The following UBOX5 variants were observed in gnomAD, a reference collection of about 807,000 sequenced individuals.
UBOX5 encodes U-box domain containing 5, also known as RING finger protein 37.
In UBOX5, 28 loss-of-function variants were observed where a neutral mutation model predicts 39.0. The observed-to-expected ratio is 0.72, with a 90% CI of 0.53 to 0.98. The LOEUF (loss-of-function observed/expected upper bound fraction) is 0.98, where lower values mean the gene tolerates loss of function less well. Among genes scored for constraint, UBOX5 ranks in the 50% least tolerant of loss-of-function variants. UBOX5 has a pLI of 0.00. For synonymous variants in UBOX5, 283 were observed against 275.5 expected (o/e 1.03, Z -0.27); for missense variants, 585 against 674.4 (o/e 0.87, Z 1.47).
chr20:3,138,887 T>C (rs1377276102), intron 1 of UBOX5, among the ~76,000 whole-genome samples: 1 of 152,178 alleles, frequency 6.6e-6, no homozygotes, highest in Non-Finnish European at 1.5e-5. Context: ...AGCTGCGTTA[T>C]ACAATCTGAT....
At chr20:3,124,731 CCGCCCT>C (rs2066365381) in intron 1 of UBOX5, among the ~76,000 whole-genome samples, 1 of 150,902 alleles carries the variant, frequency 6.6e-6, no homozygotes, top group Admixed American at 6.6e-5. Context: ...CTCTGCCCGG[CCGCCCT>C]GTCTGGGAGG....
chr20:3,115,389 A>G lies in UBOX5; in HGVS notation c.1333T>C (p.Phe445Leu), dbSNP rs776454596. The G allele has an allele frequency of 6.2e-7, 1 of 1,614,214 alleles. No individual in the cohort carries two copies. The highest frequency in any genetic ancestry group is 1.1e-5 in the South Asian group (1 of 91,080). ...LASTLGSMPS[F>L]TARLTRGQLQ... ...TGTCCCCTGGTCAGCCGTGCCGTGA[A>G]GGAGGGCATAGAGCCAAGGGTGGAT... is the stretch of plus-strand genomic sequence containing the variant. The change falls in exon 4 of 5, where the codon TTC becomes CTC. Residue 445 changes from phenylalanine to leucine, a missense_variant. Coordinates refer to ENST00000217173, the MANE Select transcript of UBOX5 (RefSeq NM_014948.4).
intron 1 of UBOX5, 53 bp from the exon 2 acceptor site, chr20:3,123,459 CTT>C: frequency 7.5e-7 from 1 of 1,332,858 alleles, no homozygotes; most frequent in Non-Finnish European, 1.1e-6. Flanking sequence ...CAATTCTAAA[CTT>C]TCAGAAGTTG....
chr20:3,134,751 C>A (rs1393609259), intron 1 of UBOX5, among the ~76,000 whole-genome samples: 1 of 146,614 alleles, frequency 6.8e-6, no homozygotes, highest in Non-Finnish European at 1.5e-5. Flanking sequence ...CCCAGCTACT[C>A]GGGAGGCTGA....
chr20:3,144,614 A>G (rs1352355446), intron 1 of UBOX5, among the ~76,000 whole-genome samples: 1 of 152,198 alleles, frequency 6.6e-6, no homozygotes, highest in Non-Finnish European at 1.5e-5. Flanking sequence ...CTAAAGAAAA[A>G]ATAATAAATT....
intron 1 of UBOX5, among the ~76,000 whole-genome samples, chr20:3,134,752 G>A (rs544584699): frequency 5.2e-4 from 77 of 149,162 alleles, no homozygotes; most frequent in African/African-American, 1.7e-3. Flanking sequence ...CCAGCTACTC[G>A]GGAGGCTGAG....
At chr20:3,158,935 C>T (rs1237506705) in intron 1 of UBOX5, among the ~76,000 whole-genome samples, 1 of 152,228 alleles carries the variant, frequency 6.6e-6, no homozygotes, top group Non-Finnish European at 1.5e-5. Flanking sequence ...CAACAAATGA[C>T]TGGAGCACAA....
In UBOX5 at chr20:3,109,940, G is replaced by T; in HGVS notation, c.*166C>A. 2.6e-6 allele frequency: 2 copies of T among 766,916 alleles called. No homozygotes were observed. The highest frequency in any genetic ancestry group is 2.7e-5 in the East Asian group (1 of 37,152). 47.5% of individuals were successfully genotyped at this position (766,916 alleles called of 1,614,324 possible). ...TGGCTTTGTTGCCCTATTGCCACCA[G>T]CGCAGAAGCAATGTGCTATACCGTG... On this transcript the variant is annotated 3_prime_UTR_variant, in exon 5 of 5. Transcript: ENST00000217173.
rs1600396890 is a variant in UBOX5 at position 3,139,893 on chromosome 20, A to G, written c.-41-16487T>C. 2.0e-5 allele frequency among the ~76,000 whole-genome samples: 3 copies of G among 151,852 alleles called. No homozygotes were observed. In the East Asian group the frequency reaches 5.8e-4, roughly 29 times the overall value. ...CCCAGCTAATTTTTTTATTTCTAGT[A>G]GAGATGGGGTTTCACCATGTTGGCC... is the stretch of plus-strand genomic sequence containing the variant. On this transcript the variant is annotated intron_variant, in intron 1 of 4. Coordinates refer to ENST00000217173, the MANE Select transcript of UBOX5 (RefSeq NM_014948.4).
At chr20:3,147,240 C>T in intron 1 of UBOX5, 1 of 1,614,248 alleles carries the variant, frequency 6.2e-7, no homozygotes, top group East Asian at 2.2e-5. Context: ...GCTACATTTT[C>T]AGCCGGCGTG....
At chr20:3,148,904 A>C in intron 1 of UBOX5, 2 of 1,614,078 alleles carry the variant, frequency 1.2e-6, no homozygotes, top group Non-Finnish European at 1.7e-6. Context: ...TATGTTCTTA[A>C]CTTTTTTGGC....
rs2066227606 is a variant in UBOX5 at position 3,108,388 on chromosome 20, A to G, written c.*1718T>C. 6.6e-6 allele frequency: 1 copy of G among 152,294 alleles called. No individual in the cohort carries two copies. The highest frequency in any genetic ancestry group is 1.5e-5 in the Non-Finnish European group (1 of 68,146). 9.4% of individuals were successfully genotyped at this position (152,294 alleles called of 1,614,324 possible). On this transcript the variant is annotated 3_prime_UTR_variant, in exon 5 of 5. Transcript: ENST00000217173. ...CTCCCAAAGTGCTGGGATAATAGGC[A>G]TGAGCCACCATGCCCGGCCATGCTG...
At chr20:3,151,954 A>G (rs1325507569) in intron 1 of UBOX5, 6 of 151,536 alleles carry the variant, frequency 4.0e-5, no homozygotes, top group Non-Finnish European at 8.8e-5. Context: ...CAAATACAAA[A>G]ATTAGCCAGG....
At chr20:3,154,618 G>A (rs1051993395) in intron 1 of UBOX5, among the ~76,000 whole-genome samples, 2 of 152,138 alleles carry the variant, frequency 1.3e-5, no homozygotes, top group African/African-American at 4.8e-5. Context: ...AAAAAGTTAA[G>A]GCTGCAGTGA....
intron 3 of UBOX5, among the ~76,000 whole-genome samples, chr20:3,119,073 T>C (rs1259689710): frequency 6.6e-6 from 1 of 152,214 alleles, no homozygotes; most frequent in African/African-American, 2.4e-5. Flanking sequence ...AAATAAGCAA[T>C]TAACAAATAC....
At chr20:3,120,864 T>C (rs1432182642) in intron 3 of UBOX5, among the ~76,000 whole-genome samples, 1 of 152,058 alleles carries the variant, frequency 6.6e-6, no homozygotes, top group Non-Finnish European at 1.5e-5. Context: ...TCATGCCACA[T>C]GGTGAGGGGG....
At chr20:3,132,959 A>C (rs542046707) in intron 1 of UBOX5, among the ~76,000 whole-genome samples, 39 of 130,570 alleles carry the variant, frequency 3.0e-4, no homozygotes, top group East Asian at 1.4e-3. Flanking sequence ...CAGTCTCTAC[A>C]AAAAAAAAAA....
intron 3 of UBOX5, among the ~76,000 whole-genome samples, chr20:3,117,287 GCACACACA>G (rs11468015): frequency 0.079 from 11,634 of 147,416 alleles, 480 homozygotes; most frequent in Middle Eastern, 0.13. Context: ...ACCAAAGATG[GCACACACA>G]CACACACACA....
chr20:3,125,916 G>A lies in UBOX5; in HGVS notation c.-41-2510C>T, dbSNP rs9712396. 0.01 allele frequency among the ~76,000 whole-genome samples: 1,559 copies of A among 151,194 alleles called. 119 individuals carry two copies. In the East Asian group the frequency reaches 0.21, roughly 21 times the overall value. On this transcript the variant is annotated intron_variant, in intron 1 of 4. Coordinates refer to ENST00000217173, the MANE Select transcript of UBOX5 (RefSeq NM_014948.4). The stretch of plus-strand genomic sequence containing the variant: ...AAGTGAGGAGCGCCTCTGCCCAGCC[G>A]CCCCGTCTGGGAAGTGAGGAGTGCC...
Sources: allele counts gnomAD v4.1 joint callset (sites outside exome capture counted in the v4.1 genomes callset), GRCh38; gene constraint gnomAD v4.1.1; transcripts MANE v1.5; gene names NCBI Gene and HGNC (gene_info 2026-07-23, HGNC 2026-07-21).